The following RAD51B variants were observed in gnomAD, a reference collection of about 807,000 sequenced individuals.
RAD51B encodes the protein DNA repair protein RAD51 homolog 2.
Under a neutral mutation model 42.2 loss-of-function variants are expected in RAD51B, and 38 were observed. The observed-to-expected ratio is 0.90, with a 90% CI of 0.70 to 1.18. The LOEUF (loss-of-function observed/expected upper bound fraction) is 1.18, where lower values mean the gene tolerates loss of function less well. RAD51B is among the 50% of genes most tolerant of loss of function. RAD51B has a pLI of 0.00. For synonymous variants in RAD51B, 154 were observed against 145.2 expected (o/e 1.06, Z -0.43); for missense variants, 373 against 400.7 (o/e 0.93, Z 0.59).
At chr14:68,488,162 C>A (rs1228794232) in intron 10 of RAD51B, among the ~76,000 whole-genome samples, 1 of 148,552 alleles carries the variant, frequency 6.7e-6, no homozygotes, top group African/African-American at 2.5e-5. Flanking sequence ...TTGATGGCAC[C>A]AGGACAGAAA....
At chr14:68,059,618 A>T (rs779451641) in intron 7 of RAD51B, among the ~76,000 whole-genome samples, 1 of 152,234 alleles carries the variant, frequency 6.6e-6, no homozygotes, top group Non-Finnish European at 1.5e-5. Flanking sequence ...CTTAGGTCAT[A>T]TACGACTCCT....
intron 8 of RAD51B, among the ~76,000 whole-genome samples, chr14:68,377,913 A>T (rs981932274): frequency 6.6e-6 from 1 of 152,228 alleles, no homozygotes; most frequent in Non-Finnish European, 1.5e-5. Flanking sequence ...TAAACTTTTT[A>T]TGAAGTTTTT....
At chr14:67,890,973 G>A (rs962118348) in intron 7 of RAD51B, among the ~76,000 whole-genome samples, 1 of 152,028 alleles carries the variant, frequency 6.6e-6, no homozygotes, top group African/African-American at 2.4e-5. Flanking sequence ...AAATGAAAAT[G>A]CATTGCTTAG....
intron 7 of RAD51B, among the ~76,000 whole-genome samples, chr14:68,086,607 T>C (rs60699339): frequency 0.025 from 3,831 of 152,214 alleles, 163 homozygotes; most frequent in African/African-American, 0.087. Context: ...ATTTAAATGC[T>C]GATAAGGAGT....
At chr14:68,662,346 G>A (rs887555096) in intron 11 of RAD51B, among the ~76,000 whole-genome samples, 1 of 152,194 alleles carries the variant, frequency 6.6e-6, no homozygotes, top group Non-Finnish European at 1.5e-5. Context: ...ATTTCATCTT[G>A]TTACATTCAG....
intron 7 of RAD51B, among the ~76,000 whole-genome samples, chr14:68,107,921 C>T (rs1393284151): frequency 3.3e-5 from 5 of 151,544 alleles, no homozygotes; most frequent in African/African-American, 9.7e-5. Context: ...AAAGTAATTG[C>T]AAATCTTACA....
intron 11 of RAD51B, among the ~76,000 whole-genome samples, chr14:68,665,201 C>G (rs924446203): frequency 1.3e-5 from 2 of 152,260 alleles, no homozygotes; most frequent in East Asian, 3.8e-4. Flanking sequence ...CAAGCTCAGG[C>G]TTTCTGCCTG....
At chr14:68,411,676 G>A (rs2084425432) in intron 9 of RAD51B, 149 bp downstream of exon 9, 2 of 672,696 alleles carry the variant, frequency 3.0e-6, no homozygotes, top group East Asian at 5.5e-5. Flanking sequence ...ATTTCTGCTT[G>A]TCCCAACAAC....
intron 10 of RAD51B, chr14:68,563,964 C>T (rs1165472219): frequency 3.2e-6 from 3 of 943,954 alleles, no homozygotes; most frequent in African/African-American, 3.6e-5. Flanking sequence ...GGTGCTCCCC[C>T]ACACATACAC....
intron 10 of RAD51B, among the ~76,000 whole-genome samples, chr14:68,510,854 C>G (rs1242763345): frequency 6.6e-6 from 1 of 152,190 alleles, no homozygotes; most frequent in African/African-American, 2.4e-5. Flanking sequence ...TAAAAAAGCC[C>G]CTGCATTTGT....
intron 7 of RAD51B, among the ~76,000 whole-genome samples, chr14:67,990,221 C>T (rs2075271707): frequency 6.6e-6 from 1 of 152,028 alleles, no homozygotes; most frequent in Non-Finnish European, 1.5e-5. Flanking sequence ...TGGTCTTGAT[C>T]TCTTGACCTC....
chr14:68,283,944 T>A (rs1237960375), intron 7 of RAD51B, among the ~76,000 whole-genome samples: 1 of 152,212 alleles, frequency 6.6e-6, no homozygotes, highest in Admixed American at 6.5e-5. Context: ...CTGAACTCAG[T>A]GGTCAAAAGT....
chr14:68,381,615 G>A (rs2083479601), intron 8 of RAD51B, among the ~76,000 whole-genome samples: 1 of 152,168 alleles, frequency 6.6e-6, no homozygotes, highest in Admixed American at 6.5e-5. Context: ...GGCAGAGCTT[G>A]CAGTGAGCCG....
intron 7 of RAD51B, among the ~76,000 whole-genome samples, chr14:68,027,343 A>C (rs185901527): frequency 6.6e-6 from 1 of 152,152 alleles, no homozygotes; most frequent in African/African-American, 2.4e-5. Context: ...CTTGTATGGT[A>C]TCTAGCTGAG....
intron 7 of RAD51B, among the ~76,000 whole-genome samples, chr14:68,215,229 T>C (rs1287461693): frequency 6.6e-6 from 1 of 152,216 alleles, no homozygotes; most frequent in Non-Finnish European, 1.5e-5. Flanking sequence ...TAGACACCAA[T>C]GGCGTCTACT....
At chr14:68,555,328 T>C (rs1888783711) in intron 10 of RAD51B, among the ~76,000 whole-genome samples, 1 of 152,176 alleles carries the variant, frequency 6.6e-6, no homozygotes, top group African/African-American at 2.4e-5. Flanking sequence ...ATCCAGTCCA[T>C]GAAGCTGATA....
chr14:68,013,411 G>A (rs2075720678), intron 7 of RAD51B, among the ~76,000 whole-genome samples: 1 of 152,150 alleles, frequency 6.6e-6, no homozygotes, highest in Admixed American at 6.6e-5. Context: ...TCTACCATGT[G>A]ATGGGTGGGG....
chr14:67,830,602 A>G (rs1482390500), intron 3 of RAD51B, among the ~76,000 whole-genome samples: 2 of 151,990 alleles, frequency 1.3e-5, no homozygotes, highest in Non-Finnish European at 2.9e-5. Context: ...GGGTTTTGCC[A>G]TTGTCCAGGC....
chr14:68,287,595 G>T (rs2081437025), intron 7 of RAD51B, among the ~76,000 whole-genome samples: 1 of 152,174 alleles, frequency 6.6e-6, no homozygotes, highest in African/African-American at 2.4e-5. Flanking sequence ...GGTGTTGGGG[G>T]TGTGTTGCGT....
Sources: gnomAD v4.1 joint callset for allele counts (sites outside exome capture counted in the v4.1 genomes callset) on GRCh38, gnomAD v4.1.1 for gene constraint, MANE v1.5 for transcripts, NCBI Gene and HGNC (gene_info 2026-07-23, HGNC 2026-07-21) for gene names.